Variants in CDH4 observed in about 807,000 individuals in gnomAD.
The protein encoded by CDH4 is cadherin-4.
Under a neutral mutation model 86.0 loss-of-function variants are expected in CDH4, and 33 were observed. The ratio of observed to expected loss-of-function variants is 0.38; its 90% CI spans 0.29 to 0.51. The LOEUF (loss-of-function observed/expected upper bound fraction) is 0.51. Among genes scored for constraint, CDH4 ranks in the 20% least tolerant of loss-of-function variants. CDH4 has a pLI of 0.86. For missense variants in CDH4, 1,114 were observed against 1,307.4 expected (o/e 0.85, Z 2.28); for synonymous variants, 555 against 549.4 (o/e 1.01, Z -0.14).
intron 5 of CDH4, among the ~76,000 whole-genome samples, chr20:61,849,980 A>G (rs1557186): frequency 0.24 from 37,267 of 152,126 alleles, 4,877 homozygotes; most frequent in South Asian, 0.38. Flanking sequence ...TTTTCCACCC[A>G]GCTCTGTGGG....
chr20:61,919,591 C>G (rs1016490733), intron 9 of CDH4, among the ~76,000 whole-genome samples: 11 of 152,254 alleles, frequency 7.2e-5, no homozygotes, highest in African/African-American at 2.7e-4. Context: ...CCTCATGCTT[C>G]TTGGGGAAAG....
intron 2 of CDH4, among the ~76,000 whole-genome samples, chr20:61,472,964 AGTT>A (rs1428161673): frequency 1.3e-5 from 2 of 152,060 alleles, no homozygotes; most frequent in African/African-American, 4.8e-5. Flanking sequence ...TGTTATATGA[AGTT>A]GGTGGACTAT....
chr20:61,410,143 T>C (rs2085109236), intron 2 of CDH4, among the ~76,000 whole-genome samples: 1 of 152,240 alleles, frequency 6.6e-6, no homozygotes, highest in South Asian at 2.1e-4. Context: ...AGAAGCCTGG[T>C]GACATCTGAA....
chr20:61,910,719 A>G (rs1399680559), intron 9 of CDH4, 112 bp downstream of exon 9: 3 of 995,066 alleles, frequency 3.0e-6, no homozygotes, highest in Non-Finnish European at 4.5e-6. Flanking sequence ...CCCCCCTAAT[A>G]TCCAAGGGTA....
chr20:61,293,628 G>A (rs1180374736), intron 2 of CDH4, among the ~76,000 whole-genome samples: 1 of 152,216 alleles, frequency 6.6e-6, no homozygotes, highest in Non-Finnish European at 1.5e-5. Flanking sequence ...TAGAGACCCT[G>A]GGTGTGACTT....
At chr20:61,486,421 G>C (rs894164400) in intron 2 of CDH4, among the ~76,000 whole-genome samples, 4 of 152,216 alleles carry the variant, frequency 2.6e-5, no homozygotes, top group Non-Finnish European at 2.9e-5. Flanking sequence ...TGTTCCTCTC[G>C]CAGTCCGGGA....
At chr20:61,693,611 A>G (rs2087683877) in intron 2 of CDH4, among the ~76,000 whole-genome samples, 1 of 152,192 alleles carries the variant, frequency 6.6e-6, no homozygotes, top group Admixed American at 6.5e-5. Context: ...TAGAGCGTGG[A>G]TCACTCTCTA....
chr20:61,704,483 G>A (rs944457922), intron 2 of CDH4, among the ~76,000 whole-genome samples: 1 of 152,168 alleles, frequency 6.6e-6, no homozygotes, highest in Non-Finnish European at 1.5e-5. Flanking sequence ...AGGCCTGGCT[G>A]GCGCCGCCTT....
At chr20:61,772,925 ATCT>A in intron 3 of CDH4, 75 bp from the exon 4 acceptor site, 1 of 1,335,684 alleles carries the variant, frequency 7.5e-7, no homozygotes, top group Non-Finnish European at 1.0e-6. Flanking sequence ...AGTACAGATC[ATCT>A]TAGCAGATGC....
intron 4 of CDH4, among the ~76,000 whole-genome samples, chr20:61,795,123 G>GTGATGGTGA (rs1568820212): frequency 7.0e-4 from 102 of 145,654 alleles, no homozygotes; most frequent in African/African-American, 2.5e-3. Context: ...GGTGATAATG[G>GTGATGGTGA]TGATGATGGA....
chr20:61,795,774 G>A (rs1207871525), intron 4 of CDH4, among the ~76,000 whole-genome samples: 1 of 152,116 alleles, frequency 6.6e-6, no homozygotes, highest in Non-Finnish European at 1.5e-5. Context: ...CTGGGCTGGA[G>A]TTTCATTCAC....
chr20:61,858,165 CTGTG>C (rs1190296813), intron 6 of CDH4, among the ~76,000 whole-genome samples: 1 of 107,710 alleles, frequency 9.3e-6, no homozygotes, highest in South Asian at 4.1e-4. Flanking sequence ...CTGTGTGTCT[CTGTG>C]TGTCTGTGTG....
rs768774450 is a variant in CDH4 at position 61,349,086 on chromosome 20, G to A, written c.169+94149G>A. Among the ~76,000 whole-genome samples the A allele has an allele frequency of 8.3e-4, 126 of 152,206 alleles. 2 individuals carry two copies. The highest frequency in any genetic ancestry group is 2.2e-4 in the Non-Finnish European group (15 of 68,042). ...ATGCTGTGCGGCCCCAGCATCCAGGGTTTTGTGCTTGGAAGATCACACGTA... is the reference window on the plus strand; with the variant it reads ...ATGCTGTGCGGCCCCAGCATCCAGGATTTTGTGCTTGGAAGATCACACGTA... On this transcript the variant is annotated intron_variant, in intron 2 of 15. Transcript: ENST00000614565.
At chr20:61,640,454 C>T (rs1456300632) in intron 2 of CDH4, among the ~76,000 whole-genome samples, 2 of 152,190 alleles carry the variant, frequency 1.3e-5, no homozygotes, top group Non-Finnish European at 2.9e-5. Context: ...CCACCCAGCC[C>T]TGTGCTGGCT....
At chr20:61,536,552 C>T (rs2085998653) in intron 2 of CDH4, among the ~76,000 whole-genome samples, 1 of 152,152 alleles carries the variant, frequency 6.6e-6, no homozygotes, top group African/African-American at 2.4e-5. Context: ...CCTTCCGATG[C>T]TCCCCAGGCA....
At position 61,518,991 on chromosome 20, in the gene CDH4, C is replaced by G. The variant is rs1196867436; in HGVS notation, c.170-224572C>G. ...ATCCATCCATCCATCCTTCATCCAT[C>G]CATTCATCCATGCATTCCCAGGATG... On this transcript the variant is annotated intron_variant, in intron 2 of 15. Transcript: ENST00000614565. This position sits in a 1 kb window ranked among gnomAD's most constrained non-coding sequence, Gnocchi z 6.3. 1.3e-5 allele frequency among the ~76,000 whole-genome samples: 2 copies of G among 152,220 alleles called. No individual in the cohort carries two copies. The highest frequency in any genetic ancestry group is 1.3e-4 in the Admixed American group (2 of 15,284).
intron 2 of CDH4, among the ~76,000 whole-genome samples, chr20:61,655,600 C>T (rs4925191): frequency 0.47 from 71,993 of 152,204 alleles, 17,579 homozygotes; most frequent in Middle Eastern, 0.59. Flanking sequence ...CAGTGCCCAC[C>T]GGCCAGGAAG....
At chr20:61,545,494 G>A (rs921431163) in intron 2 of CDH4, among the ~76,000 whole-genome samples, 13 of 152,228 alleles carry the variant, frequency 8.5e-5, no homozygotes, top group African/African-American at 2.9e-4. Flanking sequence ...GGCGTCTGGC[G>A]TTCAGTCACT....
At chr20:61,891,555 C>T (rs540207189) in intron 7 of CDH4, among the ~76,000 whole-genome samples, 3 of 152,374 alleles carry the variant, frequency 2.0e-5, no homozygotes, top group African/African-American at 4.8e-5. Flanking sequence ...CGAGAGGCCC[C>T]TGACACCTGC....
Sources: gnomAD v4.1 joint callset for allele counts (sites outside exome capture counted in the v4.1 genomes callset) on GRCh38, gnomAD v4.1.1 for gene constraint, Gnocchi (gnomAD v3.1) non-coding constraint, MANE v1.5 for transcripts, NCBI Gene and HGNC (gene_info 2026-07-23, HGNC 2026-07-21) for gene names.